SLC7A13: variants seen among roughly 807,000 people sequenced by gnomAD.
SLC7A13 encodes solute carrier family 7 member 13.
Under a neutral mutation model 32.0 loss-of-function variants are expected in SLC7A13, and 31 were observed. The ratio of observed to expected loss-of-function variants is 0.97; its 90% CI spans 0.73 to 1.31. The LOEUF is 1.31. SLC7A13 is among the 50% of genes most tolerant of loss of function. The pLI, the probability that SLC7A13 is intolerant of heterozygous loss-of-function variation, is 0.00. For synonymous variants in SLC7A13, 232 were observed against 206.9 expected, an observed-to-expected ratio of 1.12 and a Z score of -1.04; for missense variants, 633 against 546.9, an observed-to-expected ratio of 1.16 and a Z score of -1.57.
At chr8:86,225,468 G>C (rs1313518419) in intron 1 of SLC7A13, among the ~76,000 whole-genome samples, 1 of 152,068 alleles carries the variant, frequency 6.6e-6, no homozygotes, top group East Asian at 1.9e-4. Context: ...ACAAACAAAA[G>C]GGCAATTTTT....
intron 3 of SLC7A13, among the ~76,000 whole-genome samples, chr8:86,216,192 C>G (rs1325214281): frequency 6.6e-6 from 1 of 152,098 alleles, no homozygotes; most frequent in African/African-American, 2.4e-5. Context: ...AGTGATCTAA[C>G]AAAATGTGGA....
Position 86,215,055 on chromosome 8 carries a change from G to C in SLC7A13, c.1180-409C>G, listed in dbSNP as rs188821288. On this transcript the variant is annotated intron_variant, in intron 3 of 3. Transcript: ENST00000297524. ...AAAACAGAAAGACTATCCTCAGACT[G>C]TCTGTTACACAGGTAAATACTGACA... Among the ~76,000 whole-genome samples the C allele has an allele frequency of 1.1e-3, 162 of 152,156 alleles. 1 individual carries two copies. The highest frequency in any genetic ancestry group is 3.7e-3 in the African/African-American group (153 of 41,516).
At chr8:86,216,102 G>A (rs1018884747) in intron 3 of SLC7A13, among the ~76,000 whole-genome samples, 10 of 152,102 alleles carry the variant, frequency 6.6e-5, no homozygotes, top group Non-Finnish European at 1.5e-4. Flanking sequence ...AACTCTTAAT[G>A]ATTATCTTAT....
At chr8:86,225,976 C>G (rs1449930421) in intron 1 of SLC7A13, among the ~76,000 whole-genome samples, 1 of 152,010 alleles carries the variant, frequency 6.6e-6, no homozygotes, top group Non-Finnish European at 1.5e-5. Flanking sequence ...CGCCTGTCTA[C>G]AAGTCACTAT....
In SLC7A13 at chr8:86,217,872, A is replaced by G. The variant is rs754993983; in HGVS notation, c.818-41T>C. ...AATACACAAAAGAAAATGTGTTAAA[A>G]GAGAAATACTAATGATAAACCTTTT... On this transcript the variant is annotated intron_variant, in intron 2 of 3. Transcript: ENST00000297524. 4.1e-5 allele frequency: 61 copies of G among 1,493,454 alleles called. No homozygotes were observed. The East Asian group carries it at 1.3e-3, about 32-fold the overall frequency. The allele number at this position is 1,493,454 out of a possible 1,614,324, so 92.5% of individuals were successfully genotyped here.
chr8:86,227,401 G>T (rs529208400), intron 1 of SLC7A13, among the ~76,000 whole-genome samples: 137 of 152,238 alleles, frequency 9.0e-4, no homozygotes, highest in South Asian at 2.5e-3. Flanking sequence ...AAAAGATAAA[G>T]AATTCAAGGG....
Position 86,214,204 on chromosome 8 carries a change from G to A in SLC7A13, c.*209C>T. 1 of 423,784 alleles carries A rather than the reference G, an allele frequency of 2.4e-6. No individual in the cohort carries two copies. Among genetic ancestry groups the A allele is most frequent in the Non-Finnish European group, 4.2e-6 (1 of 238,888 alleles). The allele number at this position is 423,784 out of a possible 1,614,324, so 26.3% of individuals were successfully genotyped here. On this transcript the variant is annotated 3_prime_UTR_variant, in exon 4 of 4. Coordinates refer to ENST00000297524, the MANE Select transcript of SLC7A13 (RefSeq NM_138817.3). Reference sequence around the variant, plus strand: ...AACCAGGACTTAAGTTTTTTACCATGCGAAGCAGAGCTTTTAGCAATTTCT... The same window carrying A: ...AACCAGGACTTAAGTTTTTTACCATACGAAGCAGAGCTTTTAGCAATTTCT...
intron 2 of SLC7A13, among the ~76,000 whole-genome samples, chr8:86,219,420 A>G (rs970331654): frequency 2.0e-5 from 3 of 152,164 alleles, no homozygotes; most frequent in African/African-American, 7.2e-5. Context: ...GACTCTGTCC[A>G]CATGTTGTTT....
chr8:86,226,439 G>T (rs887073650), intron 1 of SLC7A13, among the ~76,000 whole-genome samples: 2 of 152,048 alleles, frequency 1.3e-5, no homozygotes, highest in African/African-American at 4.8e-5. Context: ...CAATGATGGC[G>T]CTCCAACCAG....
rs4621787 is a variant in SLC7A13, at chr8:86,217,719, T to A, written c.930A>T (p.Ser310=). The A allele has an allele frequency of 0.11, 172,798 of 1,613,006 alleles. 11,303 individuals are homozygous for A. Among genetic ancestry groups the A allele is most frequent in the Admixed American group, 0.25 (15,112 of 59,890 alleles). ...GGCTTGCAAGATATATTGGTCTCGA[T>A]GATTTAAATATAGAAATCAGAAGGT... The part of the protein sequence containing the change: ...FSNLLISIFK[S]SRPIYLASQE... Residue 310 remains serine, a synonymous_variant, in exon 3 of 4, where the codon TCA becomes TCT. Transcript: ENST00000297524.
In SLC7A13 at chr8:86,230,264, T is replaced by C. The variant is rs1160249955; in HGVS notation, c.14A>G (p.Glu5Gly). 1 of 1,567,998 alleles carries C rather than the reference T, an allele frequency of 6.4e-7. No homozygotes were observed. The highest frequency in any genetic ancestry group is 1.2e-5 in the South Asian group (1 of 83,162). Reference sequence around the variant, plus strand: ...AAACACTCTCTTGAGCTGTATTTTCTCCCCTCTATCCATTGTAATTGAAGA... The same window carrying C: ...AAACACTCTCTTGAGCTGTATTTTCCCCCCTCTATCCATTGTAATTGAAGA... MDRGEKIQLKRVFGY... is the reference protein window; with the variant it reads MDRGGKIQLKRVFGY... Residue 5 changes from glutamate to glycine, a missense_variant, in exon 1 of 4, where the codon GAG becomes GGG. Glu to Gly is a moderately conservative substitution (Grantham distance 98). Coordinates refer to ENST00000297524, the MANE Select transcript of SLC7A13 (RefSeq NM_138817.3).
chr8:86,217,611 C>A lies in SLC7A13; in HGVS notation c.1038G>T (p.Leu346Phe). Reference sequence around the variant, plus strand: ...TTGTTAAGATAATTGCAAGGGATCCCAAAGTGACAAGTAGTAGCACAGCTG... The same window carrying A: ...TTGTTAAGATAATTGCAAGGGATCCAAAAGTGACAAGTAGTAGCACAGCTG... Reference protein sequence around the residue: ...PFTAVLLLVTLGSLAIILTSL... With the variant: ...PFTAVLLLVTFGSLAIILTSL... The change falls in exon 3 of 4, where the codon TTG becomes TTT. Residue 346 changes from leucine (L) to phenylalanine (F), a missense_variant. Leu to Phe is a conservative substitution (Grantham distance 22, BLOSUM62 0). Coordinates refer to ENST00000297524, the MANE Select transcript of SLC7A13 (RefSeq NM_138817.3). The A allele has an allele frequency of 6.2e-7, 1 of 1,613,206 alleles. No homozygotes were observed. Among genetic ancestry groups the A allele is most frequent in the African/African-American group, 1.3e-5 (1 of 74,900 alleles).
Position 86,229,680 on chromosome 8 carries a change from C to T in SLC7A13, c.598G>A (p.Glu200Lys), listed in dbSNP as rs772733947. The part of the protein sequence containing the change: ...VERFQNAFDA[E>K]LPDISHLIQA... Reference sequence around the variant, plus strand: ...ATAAGGTGAGAGATATCTGGAAGTTCAGCATCAAAAGCATTCTGAAATCGT... The same window carrying T: ...ATAAGGTGAGAGATATCTGGAAGTTTAGCATCAAAAGCATTCTGAAATCGT... The change falls in exon 1 of 4, where the codon GAA becomes AAA. Residue 200 changes from glutamate to lysine, a missense_variant. By Grantham distance (56) the Glu-to-Lys change is moderately conservative. Transcript: ENST00000297524. The T allele has an allele frequency of 1.3e-5, 21 of 1,614,038 alleles. No homozygotes were observed. Among genetic ancestry groups the T allele is most frequent in the Admixed American group, 1.2e-4 (7 of 59,996 alleles).
chr8:86,230,161 C>T lies in SLC7A13; in HGVS notation c.117G>A (p.Leu39=). Residue 39 remains leucine (L), a synonymous_variant, in exon 1 of 4, where the codon TTG becomes TTA. Coordinates refer to ENST00000297524, the MANE Select transcript of SLC7A13 (RefSeq NM_138817.3). ...CTCCCACGTTCATGCAAGAGTATGC[C>T]AACACACCTTTGGGGGACACAAAAA... ...AGIFVSPKGV[L]AYSCMNVGVS... is the part of the protein sequence containing the mutation. 1 of 1,614,130 alleles carries T rather than the reference C, an allele frequency of 6.2e-7. No individual in the cohort carries two copies. Among genetic ancestry groups the T allele is most frequent in the Non-Finnish European group, 8.5e-7 (1 of 1,180,032 alleles).
chr8:86,225,059 T>C lies in SLC7A13; in HGVS notation c.686-1956A>G, dbSNP rs558294277. ...CTATTTTTTGTTGCTTCCTAAGATGTGTTGCACAAATCTTCCTTAAAATAT... is the reference window on the plus strand; with the variant it reads ...CTATTTTTTGTTGCTTCCTAAGATGCGTTGCACAAATCTTCCTTAAAATAT... On this transcript the variant is annotated intron_variant, in intron 1 of 3. Transcript: ENST00000297524. Among the ~76,000 whole-genome samples the C allele has an allele frequency of 7.6e-4, 115 of 152,250 alleles. 1 individual carries two copies. Among genetic ancestry groups the C allele is most frequent in the South Asian group, 6.8e-3 (33 of 4,820 alleles).
At chr8:86,224,141 T>C (rs1475596404) in intron 1 of SLC7A13, among the ~76,000 whole-genome samples, 1 of 152,200 alleles carries the variant, frequency 6.6e-6, no homozygotes, top group Non-Finnish European at 1.5e-5. Context: ...CTATGGTAAG[T>C]GTCTATATGA....
chr8:86,225,068 A>C (rs1214997141), intron 1 of SLC7A13, among the ~76,000 whole-genome samples: 1 of 152,094 alleles, frequency 6.6e-6, no homozygotes, highest in Non-Finnish European at 1.5e-5. Context: ...GTGTTGCACA[A>C]ATCTTCCTTA....
intron 1 of SLC7A13, among the ~76,000 whole-genome samples, chr8:86,226,695 GTCTC>G (rs1563591834): frequency 1.3e-5 from 2 of 151,924 alleles, no homozygotes; most frequent in South Asian, 2.1e-4. Flanking sequence ...TTTGTCCTTC[GTCTC>G]TCTATGTACT....
Position 86,217,580 on chromosome 8 carries a change from T to C in SLC7A13, c.1069A>G (p.Ile357Val). The change falls in exon 3 of 4, where the codon ATT becomes GTT. Residue 357 changes from isoleucine (I) to valine (V), a missense_variant. Coordinates refer to ENST00000297524, the MANE Select transcript of SLC7A13 (RefSeq NM_138817.3). ...AAAAAAATATAGTTTATCAAATCAA[T>C]TAGACTTGTTAAGATAATTGCAAGG... ...GSLAIILTSLIDLINYIFFTG... is the reference protein window; with the variant it reads ...GSLAIILTSLVDLINYIFFTG... The C allele has an allele frequency of 6.2e-7, 1 of 1,613,298 alleles. No homozygotes were observed. Among genetic ancestry groups the C allele is most frequent in the Non-Finnish European group, 8.5e-7 (1 of 1,179,570 alleles).
Sources: allele counts gnomAD v4.1 joint callset (sites outside exome capture counted in the v4.1 genomes callset), GRCh38; gene constraint gnomAD v4.1.1; transcripts MANE v1.5; gene names NCBI Gene and HGNC (gene_info 2026-07-23, HGNC 2026-07-21).